The following ADGRD1 variants were observed in gnomAD, a reference collection of about 807,000 sequenced individuals.
ADGRD1 encodes G-protein coupled receptor 133.
ADGRD1 carries 77 observed loss-of-function variants against 113.4 expected under a neutral mutation model. That is an observed-to-expected ratio of 0.68 (90% CI 0.57 to 0.82). ADGRD1 has a LOEUF of 0.82. Ranked by LOEUF, ADGRD1 falls within the 40% of genes least tolerant of loss-of-function variation. The pLI is 0.00. For missense variants in ADGRD1, 1,036 were observed against 1,139.1 expected (o/e 0.91, Z 1.30); for synonymous variants, 474 against 475.0 (o/e 1.00, Z 0.03).
chr12:131,013,478 C>T (rs893190474), intron 12 of ADGRD1, among the ~76,000 whole-genome samples: 1 of 152,136 alleles, frequency 6.6e-6, no homozygotes, highest in Non-Finnish European at 1.5e-5. Flanking sequence ...ATTCTCCCCC[C>T]ACCTCGCCTT....
At chr12:131,074,966 C>T (rs1885470310) in intron 13 of ADGRD1, among the ~76,000 whole-genome samples, 1 of 152,182 alleles carries the variant, frequency 6.6e-6, no homozygotes, top group African/African-American at 2.4e-5. Context: ...CCAGAGGCCA[C>T]AGCAGCCTCT....
At position 130,963,217 on chromosome 12, in the gene ADGRD1, A is replaced by G. The variant is rs376949873; in HGVS notation, c.104-3246A>G. Among the ~76,000 whole-genome samples the G allele has an allele frequency of 1.4e-3, 215 of 150,006 alleles. 1 individual carries two copies. Among genetic ancestry groups the G allele is most frequent in the South Asian group, 2.8e-3 (13 of 4,678 alleles). ...CGCCTGTAGTCCCAGCTACTTGGGA[A>G]GCTGAGGCAGGAGAATGGCGTGAAC... On this transcript the variant is annotated intron_variant, in intron 2 of 24. Coordinates refer to ENST00000261654, the MANE Select transcript of ADGRD1 (RefSeq NM_198827.5).
At chr12:131,087,988 T>C (rs1886611053) in intron 15 of ADGRD1, among the ~76,000 whole-genome samples, 1 of 152,132 alleles carries the variant, frequency 6.6e-6, no homozygotes, top group South Asian at 2.1e-4. Flanking sequence ...ACGCCTTCTC[T>C]CTCCTCCCAC....
intron 8 of ADGRD1, among the ~76,000 whole-genome samples, chr12:130,999,451 A>C (rs146637637): frequency 1.9e-4 from 29 of 152,378 alleles, no homozygotes; most frequent in Middle Eastern, 3.4e-3. Context: ...AAAAGCATTT[A>C]TCTCATAAAG....
intron 18 of ADGRD1, among the ~76,000 whole-genome samples, chr12:131,117,648 A>G (rs1359838505): frequency 1.3e-5 from 2 of 152,198 alleles, no homozygotes; most frequent in East Asian, 3.9e-4. Context: ...TTGATGTTCC[A>G]GTCAGCCAGT....
chr12:131,020,368 A>G (rs1725797), intron 13 of ADGRD1, among the ~76,000 whole-genome samples: 73,265 of 126,942 alleles, frequency 0.58, 24,210 homozygotes, highest in East Asian at 0.8. Flanking sequence ...AGGGTGCTTC[A>G]GGGAGATGTT....
chr12:130,993,783 G>A (rs764818697), intron 8 of ADGRD1: 6 of 152,396 alleles, frequency 3.9e-5, no homozygotes, highest in Non-Finnish European at 7.3e-5. Flanking sequence ...GCCCAGAGGC[G>A]GGAATCCTAG....
rs1482664138 is a variant in ADGRD1, at chr12:130,965,964, T to C, written c.104-499T>C. On this transcript the variant is annotated intron_variant, in intron 2 of 24. Transcript: ENST00000261654. The surrounding 1 kb of genome is among the most constrained non-coding windows in gnomAD (Gnocchi z 4.8). The stretch of plus-strand genomic sequence containing the variant: ...ATAGGCTAAGAATTCAATTTTCTTA[T>C]AGATTATTGTTAGCATGAAGTGAGG... 1.3e-5 allele frequency among the ~76,000 whole-genome samples: 2 copies of C among 152,354 alleles called. No individual in the cohort carries two copies. The highest frequency in any genetic ancestry group is 2.1e-4 in the South Asian group (1 of 4,824).
At chr12:131,071,663 C>T (rs968402621) in intron 13 of ADGRD1, among the ~76,000 whole-genome samples, 8 of 152,334 alleles carry the variant, frequency 5.3e-5, no homozygotes, top group Middle Eastern at 3.4e-3. Context: ...CTTGTGCACG[C>T]ACTGGCGGGT....
intron 20 of ADGRD1, 29 bp from the exon 21 acceptor site, chr12:131,131,696 C>T: frequency 6.6e-7 from 1 of 1,517,214 alleles, no homozygotes; most frequent in Non-Finnish European, 9.1e-7. Flanking sequence ...CCAGGCCCCC[C>T]TCACCTTCCT....
intron 19 of ADGRD1, among the ~76,000 whole-genome samples, chr12:131,119,680 A>G (rs1162709308): frequency 1.3e-5 from 2 of 152,214 alleles, no homozygotes; most frequent in Non-Finnish European, 2.9e-5. Context: ...GGAAAGCACA[A>G]TCTCTCTCTT....
intron 14 of ADGRD1, among the ~76,000 whole-genome samples, chr12:131,082,112 A>G (rs1487398392): frequency 1.3e-5 from 2 of 152,026 alleles, no homozygotes; most frequent in African/African-American, 2.4e-5. Flanking sequence ...ATTTATAATC[A>G]TAGGAAATAT....
intron 13 of ADGRD1, among the ~76,000 whole-genome samples, chr12:131,032,559 G>A (rs961535276): frequency 5.3e-5 from 8 of 152,198 alleles, no homozygotes; most frequent in Non-Finnish European, 1.0e-4. Context: ...AGTGAGCGGA[G>A]AGGGCTCTGC....
chr12:131,040,437 A>G (rs150366314), intron 13 of ADGRD1, among the ~76,000 whole-genome samples: 19 of 152,360 alleles, frequency 1.2e-4, no homozygotes, highest in African/African-American at 3.1e-4. Flanking sequence ...AGTAATCTCC[A>G]TAAAATCATG....
At position 131,020,237 on chromosome 12, in the gene ADGRD1, A is replaced by G. The variant is rs1386993062; in HGVS notation, c.1473+5897A>G. On this transcript the variant is annotated intron_variant, in intron 13 of 24. Coordinates refer to ENST00000261654, the MANE Select transcript of ADGRD1 (RefSeq NM_198827.5). ...TTCCAGGGGCAGGACCCCGAGCTCC[A>G]TCCAGGGCAGGGGGTGCTTGAGGGA... Among the ~76,000 whole-genome samples the G allele has an allele frequency of 1.0e-3, 95 of 90,606 alleles. 3 individuals carry two copies. Among genetic ancestry groups the G allele is most frequent in the East Asian group, 2.6e-3 (7 of 2,676 alleles). 59.4% of individuals were successfully genotyped at this position (90,606 alleles called of 152,430 possible).
intron 13 of ADGRD1, among the ~76,000 whole-genome samples, chr12:131,071,562 C>T (rs1330501219): frequency 6.6e-6 from 1 of 152,210 alleles, no homozygotes; most frequent in African/African-American, 2.4e-5. Flanking sequence ...TCCCAGGACA[C>T]TCAGGACCTC....
intron 3 of ADGRD1, chr12:130,967,322 CA>C (rs1217246154): frequency 5.6e-6 from 1 of 179,128 alleles, no homozygotes; most frequent in Non-Finnish European, 1.2e-5. Context: ...TGAGTTCATT[CA>C]GACATTTGCT....
chr12:130,997,244 A>G (rs1244612847), intron 8 of ADGRD1, among the ~76,000 whole-genome samples: 1 of 117,882 alleles, frequency 8.5e-6, no homozygotes, highest in Non-Finnish European at 1.7e-5. Context: ...ACTTCCCAGT[A>G]GGGGCGGCTG....
In ADGRD1 at chr12:131,136,144, C is replaced by T; in HGVS notation, c.2375C>T (p.Ala792Val). Residue 792 changes from alanine (A) to valine (V), a missense_variant, in exon 22 of 25, where the codon GCC (alanine) becomes GTC (valine). Transcript: ENST00000261654. ...GCTGTGGTTTTCCAGTACATGTTTGCCACGCTCAACTCCCTGCAGGTGAGA... is the reference window on the plus strand; with the variant it reads ...GCTGTGGTTTTCCAGTACATGTTTGTCACGCTCAACTCCCTGCAGGTGAGA... ...GCAVVFQYMF[A>V]TLNSLQGLFI... 6.2e-7 allele frequency: 1 copy of T among 1,614,122 alleles called. No homozygotes were observed. Among genetic ancestry groups the T allele is most frequent in the Non-Finnish European group, 8.5e-7 (1 of 1,180,006 alleles).
Sources: allele counts gnomAD v4.1 joint callset (sites outside exome capture counted in the v4.1 genomes callset), GRCh38; gene constraint gnomAD v4.1.1; non-coding constraint Gnocchi (gnomAD v3.1); transcripts MANE v1.5; gene names NCBI Gene and HGNC (gene_info 2026-07-23, HGNC 2026-07-21).